SHPK: variants seen among roughly 807,000 people sequenced by gnomAD.
SHPK encodes the protein sedoheptulokinase, also known as carbohydrate kinase-like protein.
A neutral mutation model predicts 46.3 loss-of-function variants in SHPK; 51 were observed. The observed-to-expected ratio is 1.10, with a 90% CI of 0.88 to 1.39. SHPK has a LOEUF of 1.39. Among genes scored for constraint, SHPK ranks in the 40% most tolerant of loss-of-function variants. The pLI, the probability that SHPK is intolerant of heterozygous loss-of-function variation, is 0.00. For synonymous variants in SHPK, 290 were observed against 273.9 expected (o/e 1.06, Z -0.58); for missense variants, 668 against 641.3 (o/e 1.04, Z -0.45).
Position 3,621,367 on chromosome 17 carries a change from G to C in SHPK, c.693C>G (p.Ala231=), listed in dbSNP as rs780851286. ...TTCTGCCCGCCACACTGCCAGGCTC[G>C]GCGATGTCTGGGAGCAGGTGGACAG... ...GFPVHLLPDI[A]EPGSVAGRTS... is the part of the protein sequence containing the mutation. The change falls in exon 5 of 7, where the codon GCC becomes GCG. Residue 231 remains alanine (A), a synonymous_variant. Transcript: ENST00000225519. The C allele has an allele frequency of 1.2e-5, 20 of 1,613,990 alleles. No individual in the cohort carries two copies. The South Asian group carries it at 1.6e-4, about 13-fold the overall frequency.
At chr17:3,613,615 C>T (rs910009258) in intron 6 of SHPK, among the ~76,000 whole-genome samples, 25 of 152,216 alleles carry the variant, frequency 1.6e-4, no homozygotes, top group Admixed American at 1.5e-3. Flanking sequence ...GTGATCCGCC[C>T]GCCTCAGCCT....
At chr17:3,624,777 C>T (rs2075423525) in intron 2 of SHPK, among the ~76,000 whole-genome samples, 3 of 152,100 alleles carry the variant, frequency 2.0e-5, no homozygotes, top group Non-Finnish European at 4.4e-5. Context: ...CTTCAGCCTC[C>T]CGAGTAGCTG....
At chr17:3,623,591 AG>A (rs1346671242) in intron 3 of SHPK, 100 bp from the exon 4 acceptor site, 1 of 1,234,760 alleles carries the variant, frequency 8.1e-7, no homozygotes, top group Non-Finnish European at 1.2e-6. Context: ...TGCCATGGCC[AG>A]GTGGCAGCCA....
Position 3,611,803 on chromosome 17 carries a change from T to G in SHPK, c.1025-831A>C, listed in dbSNP as rs966470414. ...ACACCACGTTAGCTCTGCGGGTTTTTTTTTTTTTTTTTTTTTTTCTGAGGC... is the reference window on the plus strand; with the variant it reads ...ACACCACGTTAGCTCTGCGGGTTTTGTTTTTTTTTTTTTTTTTTCTGAGGC... On this transcript the variant is annotated intron_variant, in intron 6 of 6. Transcript: ENST00000225519. 6.7e-3 allele frequency among the ~76,000 whole-genome samples: 973 copies of G among 146,078 alleles called. 9 individuals carry two copies. The highest frequency in any genetic ancestry group is 0.035 in the Middle Eastern group (10 of 286).
At chr17:3,614,743 A>G (rs1233689282) in intron 6 of SHPK, among the ~76,000 whole-genome samples, 1 of 140,562 alleles carries the variant, frequency 7.1e-6, no homozygotes, top group African/African-American at 2.6e-5. Flanking sequence ...AGCTACTCGG[A>G]AGGCTGAGGC....
Position 3,623,400 on chromosome 17 carries a change from C to A in SHPK, c.586G>T (p.Asp196Tyr). 6.2e-7 allele frequency: 1 copy of A among 1,614,154 alleles called. No individual in the cohort carries two copies. The highest frequency in any genetic ancestry group is 8.5e-7 in the Non-Finnish European group (1 of 1,179,986). The change falls in exon 4 of 7, where the codon GAC becomes TAC. Residue 196 changes from aspartate (D) to tyrosine (Y), a missense_variant. By Grantham distance (160) the Asp-to-Tyr change is radical. Coordinates refer to ENST00000225519, the MANE Select transcript of SHPK (RefSeq NM_013276.4). Reference sequence around the variant, plus strand: ...TAGCCCCAGCTGGCAGCATTCTGGTCGGACATCAGAGGTCTTGGCAAGCCA... The same window carrying A: ...TAGCCCCAGCTGGCAGCATTCTGGTAGGACATCAGAGGTCTTGGCAAGCCA... ...LCGLPRPLMS[D>Y]QNAASWGYFN...
rs1258381189 is a variant in SHPK, at chr17:3,610,207, C to T, written c.*353G>A. The T allele has an allele frequency of 9.9e-6, 2 of 201,832 alleles. No individual in the cohort carries two copies. Among genetic ancestry groups the T allele is most frequent in the African/African-American group, 4.5e-5 (2 of 44,010 alleles). 12.5% of individuals were successfully genotyped at this position (201,832 alleles called of 1,614,324 possible). The stretch of plus-strand genomic sequence containing the variant: ...CCAAAGCCACCAGACTTTCTGGTGT[C>T]TGAAGTACACATTGATCTGCTCTCT... On this transcript the variant is annotated 3_prime_UTR_variant, in exon 7 of 7. Transcript: ENST00000225519.
chr17:3,626,032 A>G lies in SHPK; in HGVS notation c.311-1801T>C, dbSNP rs940498344. Among the ~76,000 whole-genome samples, 32 of 150,684 alleles carry G rather than the reference A, an allele frequency of 2.1e-4. 1 individual carries two copies. Among genetic ancestry groups the G allele is most frequent in the Admixed American group, 8.6e-4 (13 of 15,154 alleles). Reference sequence around the variant, plus strand: ...CGCACCACTGCACTCCAGCCTGGGCAACAGAGTGAGGCTCCATCTCAGAAA... The same window carrying G: ...CGCACCACTGCACTCCAGCCTGGGCGACAGAGTGAGGCTCCATCTCAGAAA... On this transcript the variant is annotated intron_variant, in intron 2 of 6. Coordinates refer to ENST00000225519, the MANE Select transcript of SHPK (RefSeq NM_013276.4).
chr17:3,627,117 C>T (rs1462257083), intron 2 of SHPK, among the ~76,000 whole-genome samples: 3 of 152,080 alleles, frequency 2.0e-5, no homozygotes, highest in African/African-American at 7.2e-5. Context: ...ATCCTTCACC[C>T]GTTTTTCCAC....
Position 3,619,917 on chromosome 17 carries a change from C to T in SHPK, c.823+1320G>A, listed in dbSNP as rs545136372. On this transcript the variant is annotated intron_variant, in intron 5 of 6. Transcript: ENST00000225519. ...TCCGGCCTCCCAGCGCCGCCAAGCG[C>T]CATATCGTCCCACGTTCTCACGTTT... The T allele has an allele frequency of 8.9e-5, 20 of 224,480 alleles. No individual in the cohort carries two copies. The Admixed American group carries it at 9.6e-4, about 11-fold the overall frequency. 13.9% of individuals were successfully genotyped at this position (224,480 alleles called of 1,614,324 possible). A position where few individuals can be genotyped will look rare whatever the true frequency, so the allele number is the denominator to read the frequency against.
intron 4 of SHPK, among the ~76,000 whole-genome samples, chr17:3,621,912 C>T (rs2075405898): frequency 6.6e-6 from 1 of 151,910 alleles, no homozygotes; most frequent in African/African-American, 2.4e-5. Context: ...TTCAGCCTCC[C>T]AAAGTGCTGG....
chr17:3,629,168 G>A (rs890484614), intron 2 of SHPK, among the ~76,000 whole-genome samples: 7 of 152,076 alleles, frequency 4.6e-5, no homozygotes, highest in African/African-American at 1.4e-4. Flanking sequence ...ATGACCCTGA[G>A]CATATTATTC....
intron 2 of SHPK, among the ~76,000 whole-genome samples, chr17:3,625,818 C>A (rs1302392703): frequency 6.6e-6 from 1 of 152,112 alleles, no homozygotes. Flanking sequence ...TTCGGGAGGC[C>A]AAGGTGGGCG....
At chr17:3,625,683 C>T (rs1311965006) in intron 2 of SHPK, among the ~76,000 whole-genome samples, 1 of 152,162 alleles carries the variant, frequency 6.6e-6, no homozygotes, top group Non-Finnish European at 1.5e-5. Flanking sequence ...CCCAAAAAAT[C>T]ATGACAGATG....
Position 3,609,512 on chromosome 17 carries a change from C to T in SHPK, c.*1048G>A, listed in dbSNP as rs2075323330. On this transcript the variant is annotated 3_prime_UTR_variant, in exon 7 of 7. Coordinates refer to ENST00000225519, the MANE Select transcript of SHPK (RefSeq NM_013276.4). Reference sequence around the variant, plus strand: ...ACCAATCACAAGAAGGCTTACAACGCTCTGGGATCCCTACAGGGATGCCAA... The same window carrying T: ...ACCAATCACAAGAAGGCTTACAACGTTCTGGGATCCCTACAGGGATGCCAA... 6.6e-6 allele frequency: 1 copy of T among 152,140 alleles called. No homozygotes were observed. The highest frequency in any genetic ancestry group is 2.4e-5 in the African/African-American group (1 of 41,428). The allele number at this position is 152,140 out of a possible 1,614,324, so 9.4% of individuals were successfully genotyped here.
At chr17:3,630,163 G>T (rs761110869) in intron 2 of SHPK, 42 bp downstream of exon 2, 2 of 1,612,890 alleles carry the variant, frequency 1.2e-6, no homozygotes, top group Admixed American at 3.3e-5. Flanking sequence ...AGTTCTGGAA[G>T]TGACTGCTAC....
At position 3,635,444 on chromosome 17, in the gene SHPK, C is replaced by G. The variant is rs867166198; in HGVS notation, c.168+608G>C. Among the ~76,000 whole-genome samples the G allele has an allele frequency of 4.3e-4, 66 of 152,228 alleles. 1 individual carries two copies. The highest frequency in any genetic ancestry group is 3.4e-3 in the Middle Eastern group (1 of 294). On this transcript the variant is annotated intron_variant, in intron 1 of 6. Coordinates refer to ENST00000225519, the MANE Select transcript of SHPK (RefSeq NM_013276.4). ...TACAGACGGGGTTTCACCGTGTTAGCCAGGATGGTCTCGATCTCCTGACCT... is the reference window on the plus strand; with the variant it reads ...TACAGACGGGGTTTCACCGTGTTAGGCAGGATGGTCTCGATCTCCTGACCT...
In SHPK at chr17:3,610,266, C is replaced by G. The variant is rs1005472393; in HGVS notation, c.*294G>C. 6.2e-5 allele frequency: 21 copies of G among 340,854 alleles called. No homozygotes were observed. The highest frequency in any genetic ancestry group is 4.1e-4 in the African/African-American group (20 of 49,282). The allele number at this position is 340,854 out of a possible 1,614,324, so 21.1% of individuals were successfully genotyped here. ...GTGAACCACAGATGAGCCTGCTGAC[C>G]AGCAGGCTGGGCTACTGTGCTCTCA... On this transcript the variant is annotated 3_prime_UTR_variant, in exon 7 of 7. Transcript: ENST00000225519.
chr17:3,621,779 A>T (rs1417714090), intron 4 of SHPK, among the ~76,000 whole-genome samples: 1 of 151,548 alleles, frequency 6.6e-6, no homozygotes, highest in Non-Finnish European at 1.5e-5. Flanking sequence ...CAGCCTCCCT[A>T]ATAGCTGGGA....
Sources: gnomAD v4.1 joint callset for allele counts (sites outside exome capture counted in the v4.1 genomes callset) on GRCh38, gnomAD v4.1.1 for gene constraint, MANE v1.5 for transcripts, NCBI Gene and HGNC (gene_info 2026-07-23, HGNC 2026-07-21) for gene names.